SDHAF2: variants seen among roughly 807,000 people sequenced by gnomAD.
SDHAF2 encodes succinate dehydrogenase complex assembly factor 2.
SDHAF2 carries 21 observed loss-of-function variants against 18.5 expected under a neutral mutation model. The observed-to-expected ratio is 1.13, with a 90% CI of 0.80 to 1.63. The LOEUF (loss-of-function observed/expected upper bound fraction) is 1.63. Among genes scored for constraint, SDHAF2 ranks in the 40% most tolerant of loss-of-function variants. SDHAF2 has a pLI of 0.00. For missense variants in SDHAF2, 195 were observed against 200.3 expected, an observed-to-expected ratio of 0.97 and a Z score of 0.16; for synonymous variants, 84 against 70.7, an observed-to-expected ratio of 1.19 and a Z score of -0.94.
At chr11:61,437,572 T>C (rs1356852507) in intron 1 of SDHAF2, 53 bp from the exon 2 acceptor site, 1 of 1,425,472 alleles carries the variant, frequency 7.0e-7, no homozygotes, top group Admixed American at 1.7e-5. Context: ...GAGTAAATGA[T>C]AGCGATGATA....
intron 3 of SDHAF2, among the ~76,000 whole-genome samples, chr11:61,440,366 G>A (rs1243844301): frequency 6.6e-6 from 1 of 152,056 alleles, no homozygotes; most frequent in African/African-American, 2.4e-5. Flanking sequence ...TTGGGAGGTC[G>A]AGGCGGGTGG....
intron 1 of SDHAF2, chr11:61,431,800 C>T (rs1172159418): frequency 1.3e-5 from 2 of 152,256 alleles, no homozygotes; most frequent in African/African-American, 2.4e-5. Flanking sequence ...GGGTTCACGC[C>T]AATCTCCTGG....
Position 61,446,403 on chromosome 11 carries a change from C to T in SDHAF2, c.*332C>T. ...AGTTGTGCTTGCTCATTGCCTCAGC[C>T]CAAGTGTACTCAAAGAAAAGAGGCA... On this transcript the variant is annotated 3_prime_UTR_variant, in exon 4 of 4. Transcript: ENST00000301761. 1.7e-6 allele frequency: 1 copy of T among 584,624 alleles called. No homozygotes were observed. The highest frequency in any genetic ancestry group is 3.0e-6 in the Non-Finnish European group (1 of 329,808). The allele number at this position is 584,624 out of a possible 1,614,324, so 36.2% of individuals were successfully genotyped here.
rs902345496 is a variant in SDHAF2, at chr11:61,446,555, A to T, written c.*484A>T. Reference sequence around the variant, plus strand: ...TGGTATGGCTCCTTCTGCGAAGGGAAGCTGATCCCAGCCTCCTGAGCTGAA... The same window carrying T: ...TGGTATGGCTCCTTCTGCGAAGGGATGCTGATCCCAGCCTCCTGAGCTGAA... On this transcript the variant is annotated 3_prime_UTR_variant, in exon 4 of 4. Coordinates refer to ENST00000301761, the MANE Select transcript of SDHAF2 (RefSeq NM_017841.4). 13 of 463,830 alleles carry T rather than the reference A, an allele frequency of 2.8e-5. No homozygotes were observed. Among genetic ancestry groups the T allele is most frequent in the Middle Eastern group, 5.5e-4 (1 of 1,820 alleles). 28.7% of individuals were successfully genotyped at this position (463,830 alleles called of 1,614,324 possible).
intron 1 of SDHAF2, 74 bp downstream of exon 1, chr11:61,430,256 C>CT (rs1263685203): frequency 1.3e-6 from 2 of 1,591,874 alleles, no homozygotes; most frequent in East Asian, 2.2e-5. Flanking sequence ...TCTGTGGTCT[C>CT]TATCTTGGGG....
At chr11:61,433,734 G>A (rs1236635266) in intron 1 of SDHAF2, 1 of 152,206 alleles carries the variant, frequency 6.6e-6, no homozygotes, top group Non-Finnish European at 1.5e-5. Flanking sequence ...TAGTTTACTA[G>A]GGCTGCTATA....
At chr11:61,438,618 G>A (rs918246018) in intron 3 of SDHAF2, among the ~76,000 whole-genome samples, 1 of 152,160 alleles carries the variant, frequency 6.6e-6, no homozygotes, top group South Asian at 2.1e-4. Flanking sequence ...GTGGAAACTT[G>A]TTTGTCTCAC....
chr11:61,440,732 C>T (rs1862055457), intron 3 of SDHAF2, among the ~76,000 whole-genome samples: 2 of 152,156 alleles, frequency 1.3e-5, no homozygotes, highest in African/African-American at 2.4e-5. Context: ...GCAGGCCATA[C>T]AGCCTCTCAT....
intron 3 of SDHAF2, among the ~76,000 whole-genome samples, chr11:61,445,329 G>A (rs1335007003): frequency 6.6e-6 from 1 of 152,182 alleles, no homozygotes; most frequent in Admixed American, 6.5e-5. Flanking sequence ...CTGACTCAGT[G>A]CCTATGTTGC....
Position 61,437,849 on chromosome 11 carries a change from G to A in SDHAF2, c.260+1G>A, listed in dbSNP as rs749527870. The A allele has an allele frequency of 6.2e-7, 1 of 1,612,510 alleles. No homozygotes were observed. Among genetic ancestry groups the A allele is most frequent in the Admixed American group, 1.7e-5 (1 of 60,030 alleles). ...TGTTGGAAAACTGCATTCTTCTTAG[G>A]TATGGGACTAGGAGTCTTTTTTTTT... On this transcript the variant is annotated splice_donor_variant, in intron 2 of 3. Transcript: ENST00000301761. LOFTEE classifies it high-confidence loss of function.
chr11:61,437,801 C>G lies in SDHAF2; in HGVS notation c.213C>G (p.Leu71=). Residue 71 remains leucine (L), a synonymous_variant, in exon 2 of 4, where the codon CTC becomes CTG. Transcript: ENST00000301761. ...ESIETKRARL[L]YESRKRGMLE... Reference sequence around the variant, plus strand: ...TAGAAACCAAAAGAGCCCGCCTGCTCTATGAGAGCAGAAAGAGGGGAATGT... The same window carrying G: ...TAGAAACCAAAAGAGCCCGCCTGCTGTATGAGAGCAGAAAGAGGGGAATGT... 1 of 1,614,040 alleles carries G rather than the reference C, an allele frequency of 6.2e-7. No homozygotes were observed. The highest frequency in any genetic ancestry group is 8.5e-7 in the Non-Finnish European group (1 of 1,180,018).
At chr11:61,434,715 TTATTTTAA>T (rs1319125127) in intron 1 of SDHAF2, 8 of 140,686 alleles carry the variant, frequency 5.7e-5, no homozygotes, top group African/African-American at 2.1e-4. Context: ...ATTTTTTAAT[TTATTTTAA>T]TTTTTTAATT....
intron 3 of SDHAF2, among the ~76,000 whole-genome samples, chr11:61,441,359 C>T (rs565526768): frequency 4.9e-4 from 74 of 151,906 alleles, no homozygotes; most frequent in African/African-American, 1.7e-3. Flanking sequence ...GGTGAAACCC[C>T]GTCTCTACTA....
At chr11:61,434,853 C>T (rs1395318065) in intron 1 of SDHAF2, 1 of 151,246 alleles carries the variant, frequency 6.6e-6, no homozygotes, top group Non-Finnish European at 1.5e-5. Context: ...CCTCAGGCCT[C>T]CCAGGTAGCT....
At chr11:61,430,692 C>G (rs1032631117) in intron 1 of SDHAF2, 6 of 167,880 alleles carry the variant, frequency 3.6e-5, no homozygotes, top group African/African-American at 1.4e-4. Flanking sequence ...TTTTCAAGAT[C>G]TTTTTCTAGC....
rs112578506 is a variant in SDHAF2, at chr11:61,437,754, C to T, written c.166C>T (p.Gln56Ter). ...GATTGAAATCCCTTTGCCTCCATGG[C>T]AGGAGAGAACTGATGAATCCATAGA... Reference protein sequence around the residue: ...DMIEIPLPPWQERTDESIETK... With the variant: ...DMIEIPLPPW Residue 56 changes from glutamine (Q) to a stop codon, truncating the protein, a stop_gained, in exon 2 of 4, where the codon CAG becomes TAG. Transcript: ENST00000301761. LOFTEE classifies it high-confidence loss of function. 1.2e-6 allele frequency: 2 copies of T among 1,614,104 alleles called. No individual in the cohort carries two copies. The highest frequency in any genetic ancestry group is 1.7e-6 in the Non-Finnish European group (2 of 1,179,980).
chr11:61,434,418 C>G (rs902579608), intron 1 of SDHAF2: 1 of 152,088 alleles, frequency 6.6e-6, no homozygotes, highest in African/African-American at 2.4e-5. Context: ...CTCAGGTGAT[C>G]CGTTCACCTC....
chr11:61,445,723 A>G (rs1590769153), intron 3 of SDHAF2, among the ~76,000 whole-genome samples: 1 of 152,226 alleles, frequency 6.6e-6, no homozygotes, highest in East Asian at 1.9e-4. Context: ...TATGTAAACC[A>G]TTGGGAGCAG....
chr11:61,446,709 A>G lies in SDHAF2; in HGVS notation c.*638A>G. On this transcript the variant is annotated 3_prime_UTR_variant, in exon 4 of 4. Coordinates refer to ENST00000301761, the MANE Select transcript of SDHAF2 (RefSeq NM_017841.4). ...GCACTTTGTAATTTGAAAGAGAATT[A>G]TTAAAGCATACTGAAAAAAGGAAAT... 2.5e-6 allele frequency: 1 copy of G among 399,592 alleles called. No individual in the cohort carries two copies. 24.8% of individuals were successfully genotyped at this position (399,592 alleles called of 1,614,324 possible).
Sources: allele counts gnomAD v4.1 joint callset (sites outside exome capture counted in the v4.1 genomes callset), GRCh38; gene constraint gnomAD v4.1.1; transcripts MANE v1.5; gene names NCBI Gene and HGNC (gene_info 2026-07-23, HGNC 2026-07-21).